Variants in SLC4A4 observed in about 807,000 individuals in gnomAD.
The protein encoded by SLC4A4 is electrogenic sodium bicarbonate cotransporter 1.
SLC4A4 carries 27 observed loss-of-function variants against 111.5 expected under a neutral mutation model. The observed-to-expected ratio is 0.24, with a 90% confidence interval of 0.18 to 0.33. The LOEUF (loss-of-function observed/expected upper bound fraction) is 0.33, where lower values mean the gene tolerates loss of function less well. Ranked by LOEUF, SLC4A4 falls within the 10% of genes least tolerant of loss-of-function variation. The pLI is 1.00. For missense variants in SLC4A4, 909 were observed against 1,315.5 expected, an observed-to-expected ratio of 0.69 and a Z score of 4.78; for synonymous variants, 443 against 463.4, an observed-to-expected ratio of 0.96 and a Z score of 0.57.
At chr4:71,166,228 C>G (rs1441520136) in intron 2 of SLC4A4, among the ~76,000 whole-genome samples, 1 of 152,144 alleles carries the variant, frequency 6.6e-6, no homozygotes, top group East Asian at 1.9e-4. Context: ...GAGTGATCAG[C>G]CACTAAATAT....
chr4:71,114,652 G>C (rs1175129258), intron 2 of SLC4A4, among the ~76,000 whole-genome samples: 1 of 150,094 alleles, frequency 6.7e-6, no homozygotes, highest in Non-Finnish European at 1.5e-5. Flanking sequence ...TCTCACACCA[G>C]TTAGAAAGGC....
At chr4:71,352,270 T>A (rs962254788) in intron 5 of SLC4A4, among the ~76,000 whole-genome samples, 2 of 152,092 alleles carry the variant, frequency 1.3e-5, no homozygotes, top group Non-Finnish European at 2.9e-5. Flanking sequence ...CAAATGTGCA[T>A]AAATGTAGGG....
intron 12 of SLC4A4, among the ~76,000 whole-genome samples, chr4:71,460,610 C>T (rs554762084): frequency 6.6e-6 from 1 of 152,206 alleles, no homozygotes; most frequent in South Asian, 2.1e-4. Context: ...TGTGATCTGT[C>T]AGGACAGAAA....
At chr4:71,254,923 C>T (rs1454452830) in intron 2 of SLC4A4, among the ~76,000 whole-genome samples, 1 of 152,102 alleles carries the variant, frequency 6.6e-6, no homozygotes, top group African/African-American at 2.4e-5. Flanking sequence ...CAGAGTATGA[C>T]AAACATGAAG....
intron 6 of SLC4A4, among the ~76,000 whole-genome samples, chr4:71,358,187 G>A (rs1281718234): frequency 1.3e-5 from 2 of 151,930 alleles, no homozygotes; most frequent in Admixed American, 6.6e-5. Flanking sequence ...GTGGTGGCAC[G>A]CACCTTTGTC....
intron 1 of SLC4A4, among the ~76,000 whole-genome samples, chr4:71,088,635 A>G (rs1742272656): frequency 6.6e-6 from 1 of 151,916 alleles, no homozygotes; most frequent in Non-Finnish European, 1.5e-5. Context: ...GCTTGTCTGT[A>G]AAGGATTTTA....
At chr4:71,123,833 G>T (rs75588011) in intron 2 of SLC4A4, among the ~76,000 whole-genome samples, 3,163 of 152,244 alleles carry the variant, frequency 0.021, 119 homozygotes, top group African/African-American at 0.073. Context: ...TTCTGTCTGA[G>T]ATGGTTTTAA....
At chr4:71,458,803 G>A (rs1319360079) in intron 12 of SLC4A4, among the ~76,000 whole-genome samples, 1 of 151,950 alleles carries the variant, frequency 6.6e-6, no homozygotes, top group African/African-American at 2.4e-5. Context: ...ATTGGTAATT[G>A]CTTTACTATA....
intron 3 of SLC4A4, among the ~76,000 whole-genome samples, chr4:71,285,171 T>C (rs1232768345): frequency 6.6e-6 from 1 of 152,178 alleles, no homozygotes; most frequent in Non-Finnish European, 1.5e-5. Context: ...GGAATCAACA[T>C]AGAGCACTGG....
chr4:71,244,631 G>T (rs1042272503), intron 2 of SLC4A4, among the ~76,000 whole-genome samples: 1 of 152,098 alleles, frequency 6.6e-6, no homozygotes, highest in Non-Finnish European at 1.5e-5. Context: ...ATCTTTATGT[G>T]CAACACTTTC....
At chr4:71,068,550 CT>C (rs1741589320) in intron 1 of SLC4A4, among the ~76,000 whole-genome samples, 1 of 151,474 alleles carries the variant, frequency 6.6e-6, no homozygotes, top group Admixed American at 6.6e-5. Context: ...TCAGGGCAAC[CT>C]TTTTTTCTTT....
Position 71,482,897 on chromosome 4 carries a change from T to G in SLC4A4, c.1904-4051T>G, listed in dbSNP as rs962087086. On this transcript the variant is annotated intron_variant, in intron 14 of 25. Coordinates refer to ENST00000264485, the MANE Select transcript of SLC4A4 (RefSeq NM_001098484.3). ...AACAAGGTCTTGCTACCAACTCTGC[T>G]TCTGATAAACTATAACCCTGGGCAA... Among the ~76,000 whole-genome samples the G allele has an allele frequency of 5.9e-5, 9 of 151,714 alleles. No individual in the cohort carries two copies. The South Asian group carries it at 1.9e-3, about 31-fold the overall frequency.
chr4:71,126,715 TGAG>T (rs144895709), intron 2 of SLC4A4, among the ~76,000 whole-genome samples: 120 of 152,354 alleles, frequency 7.9e-4, no homozygotes, highest in African/African-American at 2.7e-3. Context: ...AATATGAATA[TGAG>T]GAGAGAATTT....
chr4:71,174,460 C>T (rs1236652132), intron 2 of SLC4A4, among the ~76,000 whole-genome samples: 8 of 152,086 alleles, frequency 5.3e-5, no homozygotes, highest in Non-Finnish European at 1.0e-4. Flanking sequence ...GTTGGCCAGG[C>T]TGGTCTCGAA....
intron 1 of SLC4A4, among the ~76,000 whole-genome samples, chr4:71,232,920 G>A (rs1366143262): frequency 2.0e-5 from 3 of 152,252 alleles, no homozygotes; most frequent in Non-Finnish European, 4.4e-5. Flanking sequence ...ACTGGAAAGG[G>A]TTAATGTGAG....
intron 1 of SLC4A4, among the ~76,000 whole-genome samples, chr4:71,223,819 A>G (rs531251813): frequency 6.6e-6 from 1 of 151,966 alleles, no homozygotes; most frequent in South Asian, 2.1e-4. Flanking sequence ...CCCAGATCCC[A>G]TTCCCACAGA....
intron 16 of SLC4A4, among the ~76,000 whole-genome samples, chr4:71,528,507 C>T (rs960222459): frequency 4.0e-5 from 6 of 151,816 alleles, no homozygotes; most frequent in Admixed American, 1.3e-4. Flanking sequence ...TTGAATAGAG[C>T]GAAAATTGGA....
intron 6 of SLC4A4, among the ~76,000 whole-genome samples, chr4:71,367,054 G>A (rs1310673933): frequency 1.3e-5 from 2 of 152,202 alleles, no homozygotes; most frequent in Non-Finnish European, 2.9e-5. Flanking sequence ...CGAGTGCCAG[G>A]CTTCATTCCA....
upstream of SLC4A4, among the ~76,000 whole-genome samples, chr4:71,185,154 A>C (rs1745410053): frequency 6.6e-6 from 1 of 152,206 alleles, no homozygotes; most frequent in Non-Finnish European, 1.5e-5. Context: ...TGCTTGAAAA[A>C]TGTGTTTCTT....
Sources: gnomAD v4.1 joint callset for allele counts (sites outside exome capture counted in the v4.1 genomes callset) on GRCh38, gnomAD v4.1.1 for gene constraint, MANE v1.5 for transcripts, NCBI Gene and HGNC (gene_info 2026-07-23, HGNC 2026-07-21) for gene names.